INO80: variants seen among roughly 807,000 people sequenced by gnomAD.
INO80 encodes the protein chromatin-remodeling ATPase INO80.
In INO80, 20 loss-of-function variants were observed where a neutral mutation model predicts 203.4. The ratio of observed to expected loss-of-function variants is 0.10; its 90% CI spans 0.07 to 0.14. The LOEUF (loss-of-function observed/expected upper bound fraction) is 0.14, where lower values mean the gene tolerates loss of function less well. INO80 is among the 10% of genes least tolerant of loss of function. INO80 has a pLI of 1.00. For synonymous variants in INO80, 726 were observed against 685.2 expected (o/e 1.06, Z -0.93); for missense variants, 1,419 against 1,914.4 (o/e 0.74, Z 4.83).
rs2045327522 is a variant in INO80, at chr15:41,072,038, A to G, written c.1416T>C (p.Asp472=). 2 of 1,590,440 alleles carry G rather than the reference A, an allele frequency of 1.3e-6. No individual in the cohort carries two copies. Among genetic ancestry groups the G allele is most frequent in the Non-Finnish European group, 1.7e-6 (2 of 1,172,128 alleles). ...HQARTRSFDE[D]AKESRAAALR... is the part of the protein sequence containing the mutation. ...GGGCAGCTGCTCGACTTTCTTTTGCATCTTCATCAAATGACCTTGTCTGGA... is the reference window on the plus strand; with the variant it reads ...GGGCAGCTGCTCGACTTTCTTTTGCGTCTTCATCAAATGACCTTGTCTGGA... The change falls in exon 12 of 36, where the codon GAT becomes GAC. Residue 472 remains aspartate, a synonymous_variant. Coordinates refer to ENST00000648947, the MANE Select transcript of INO80 (RefSeq NM_017553.3).
chr15:41,056,788 A>T, intron 16 of INO80, 82 bp from the exon 17 acceptor site: 1 of 1,103,226 alleles, frequency 9.1e-7, no homozygotes, highest in Non-Finnish European at 1.4e-6. Context: ...TATTGACAAA[A>T]ATGCCTTCCA....
chr15:41,061,450 C>CAAAAAAAAAA (rs980593225), intron 14 of INO80, among the ~76,000 whole-genome samples: 102 of 66,644 alleles, frequency 1.5e-3, no homozygotes, highest in Middle Eastern at 7.5e-3. Flanking sequence ...ACCAAAAATA[C>CAAAAAAAAAA]AAAAAAAAAA....
chr15:41,092,527 G>A (rs935009799), intron 4 of INO80, among the ~76,000 whole-genome samples: 4 of 151,616 alleles, frequency 2.6e-5, no homozygotes, highest in African/African-American at 4.8e-5. Flanking sequence ...CTACCTATAG[G>A]GTATAAAAAA....
intron 5 of INO80, among the ~76,000 whole-genome samples, chr15:41,089,750 A>C (rs2045608022): frequency 6.6e-6 from 1 of 152,240 alleles, no homozygotes. Context: ...TCTCAAAAAA[A>C]AAAAAAAAGA....
Position 40,999,195 on chromosome 15 carries a change from G to T in INO80, c.3498-1594C>A, listed in dbSNP as rs190354914. 6.6e-5 allele frequency: 10 copies of T among 152,216 alleles called. No individual in the cohort carries two copies. The East Asian group carries it at 1.9e-3, about 29-fold the overall frequency. 9.4% of individuals were successfully genotyped at this position (152,216 alleles called of 1,614,324 possible). A position where few individuals can be genotyped will look rare whatever the true frequency, so the allele number is the denominator to read the frequency against. ...AGTGTAAAATTAATTTTATTTTGTG[G>T]ATTCCAGTAAGGAAAACAAAAAACA... On this transcript the variant is annotated intron_variant, in intron 28 of 35. Coordinates refer to ENST00000648947, the MANE Select transcript of INO80 (RefSeq NM_017553.3).
rs974772630 is a variant in INO80, at chr15:41,102,228, T to C, written c.-43-5875A>G. ...TACGACTATGTCTTATGTCACTTAT[T>C]ATGGGTTCATGCCCATGCATTTGCA... On this transcript the variant is annotated intron_variant, in intron 1 of 35. Coordinates refer to ENST00000648947, the MANE Select transcript of INO80 (RefSeq NM_017553.3). 5.0e-4 allele frequency among the ~76,000 whole-genome samples: 76 copies of C among 152,182 alleles called. 1 individual carries two copies. Among genetic ancestry groups the C allele is most frequent in the African/African-American group, 1.8e-3 (74 of 41,448 alleles).
chr15:41,043,276 T>C (rs1346516234), intron 24 of INO80, among the ~76,000 whole-genome samples: 1 of 152,178 alleles, frequency 6.6e-6, no homozygotes, highest in Non-Finnish European at 1.5e-5. Flanking sequence ...AAAAATGTAT[T>C]ACAGTAGTAA....
Position 41,116,098 on chromosome 15 carries a change from G to T in INO80, c.-169C>A. ...GTTCGCTCTCTGAGGCCGTGGGACGGTGACTGCGTTGGGCGTGGACGCTCC... is the reference window on the plus strand; with the variant it reads ...GTTCGCTCTCTGAGGCCGTGGGACGTTGACTGCGTTGGGCGTGGACGCTCC... On this transcript the variant is annotated 5_prime_UTR_variant, in exon 1 of 36. Transcript: ENST00000648947. 2.5e-6 allele frequency: 1 copy of T among 397,226 alleles called. No individual in the cohort carries two copies. The allele number at this position is 397,226 out of a possible 1,614,324, so 24.6% of individuals were successfully genotyped here.
intron 9 of INO80, among the ~76,000 whole-genome samples, chr15:41,076,789 G>T (rs2045410018): frequency 6.6e-6 from 1 of 151,952 alleles, no homozygotes; most frequent in Admixed American, 6.6e-5. Flanking sequence ...AATAATCATT[G>T]TGTCGATAAA....
chr15:41,108,541 G>A (rs913362090), intron 1 of INO80, among the ~76,000 whole-genome samples: 1 of 147,204 alleles, frequency 6.8e-6, no homozygotes, highest in Non-Finnish European at 1.5e-5. Flanking sequence ...GCAGTGAGCC[G>A]AGATCTCGCC....
chr15:41,056,666 G>A lies in INO80; in HGVS notation c.2026C>T (p.Arg676Trp), dbSNP rs1481604755. The A allele has an allele frequency of 1.9e-6, 3 of 1,614,066 alleles. No homozygotes were observed. The highest frequency in any genetic ancestry group is 2.5e-6 in the Non-Finnish European group (3 of 1,179,928). ...KILLQFQCRN[R>W]LLLTGTPIQN... Reference sequence around the variant, plus strand: ...ATTGGGGTCCCGGTTAGCAAAAGCCGATTCCGACACTGGAACTGTAAGAGG... The same window carrying A: ...ATTGGGGTCCCGGTTAGCAAAAGCCAATTCCGACACTGGAACTGTAAGAGG... Residue 676 changes from arginine (R) to tryptophan (W), a missense_variant, in exon 17 of 36, where the codon CGG (arginine) becomes TGG (tryptophan). Around this residue, in one of 9 missense-constraint regions of INO80, gnomAD observed 192 missense variants for 406.7 expected, o/e 0.47. Transcript: ENST00000648947.
In INO80 at chr15:41,055,721, C is replaced by T. The variant is rs1432716229; in HGVS notation, c.2071-357G>A. 3.9e-5 allele frequency among the ~76,000 whole-genome samples: 6 copies of T among 152,100 alleles called. No homozygotes were observed. The East Asian group carries it at 1.2e-3, about 29-fold the overall frequency. On this transcript the variant is annotated intron_variant, in intron 17 of 35. Transcript: ENST00000648947. ...GGTATGATAACTTGCTACTAATAAT[C>T]CTAGATTAGGGGTTAGAAAAATATG...
At position 41,050,375 on chromosome 15, in the gene INO80, C is replaced by A. The variant is rs1346348991; in HGVS notation, c.2275-273G>T. 2.6e-5 allele frequency among the ~76,000 whole-genome samples: 4 copies of A among 152,308 alleles called. No individual in the cohort carries two copies. The South Asian group carries it at 8.3e-4, about 32-fold the overall frequency. ...AACTAACACCCATCACAGTAACATA[C>A]AAAAGTACATTCCCAAACATAACCC... On this transcript the variant is annotated intron_variant, in intron 19 of 35. Transcript: ENST00000648947.
At chr15:41,087,255 A>G (rs1019739603) in intron 6 of INO80, among the ~76,000 whole-genome samples, 1 of 152,200 alleles carries the variant, frequency 6.6e-6, no homozygotes, top group Admixed American at 6.6e-5. Flanking sequence ...ATGAGGTATT[A>G]TAAGTAATCC....
At chr15:41,102,296 C>A (rs541592137) in intron 1 of INO80, among the ~76,000 whole-genome samples, 2 of 152,208 alleles carry the variant, frequency 1.3e-5, no homozygotes, top group Non-Finnish European at 2.9e-5. Flanking sequence ...TTATGTTTCC[C>A]CAATATATTA....
intron 1 of INO80, among the ~76,000 whole-genome samples, chr15:41,097,902 G>C (rs1292343843): frequency 6.6e-6 from 1 of 152,102 alleles, no homozygotes; most frequent in Non-Finnish European, 1.5e-5. Context: ...GCAGTGAGCC[G>C]AGACTGTGCC....
chr15:41,108,641 G>C (rs1278390900), intron 1 of INO80, among the ~76,000 whole-genome samples: 1 of 151,324 alleles, frequency 6.6e-6, no homozygotes, highest in African/African-American at 2.4e-5. Context: ...AATAGACTAG[G>C]ACAGGCAGCT....
intron 1 of INO80, among the ~76,000 whole-genome samples, chr15:41,103,895 C>G (rs921620816): frequency 2.0e-5 from 3 of 152,074 alleles, no homozygotes; most frequent in Non-Finnish European, 4.4e-5. Context: ...TCAGACCTGT[C>G]TCACTTCGCG....
At chr15:40,982,303 C>G (rs527882804) in intron 35 of INO80, among the ~76,000 whole-genome samples, 1 of 152,250 alleles carries the variant, frequency 6.6e-6, no homozygotes, top group South Asian at 2.1e-4. Context: ...TGAGCCACCA[C>G]GCCCATCTAA....
Sources: gnomAD v4.1 joint callset for allele counts (sites outside exome capture counted in the v4.1 genomes callset) on GRCh38, gnomAD v4.1.1 for gene constraint, gnomAD v4.1.1 regional missense constraint, MANE v1.5 for transcripts, NCBI Gene and HGNC (gene_info 2026-07-23, HGNC 2026-07-21) for gene names.